Variants in FGFR2 observed in about 807,000 individuals in gnomAD.
The protein encoded by FGFR2 is BEK fibroblast growth factor receptor.
In FGFR2, 19 loss-of-function variants were observed where a neutral mutation model predicts 95.9. That is an observed-to-expected ratio of 0.20 (90% CI 0.14 to 0.29). FGFR2 has a LOEUF of 0.29. Ranked by LOEUF, FGFR2 falls within the 10% of genes least tolerant of loss-of-function variation. The pLI, the probability that FGFR2 is intolerant of heterozygous loss-of-function variation, is 1.00. For synonymous variants in FGFR2, 392 were observed against 393.3 expected, an observed-to-expected ratio of 1.00 and a Z score of 0.04; for missense variants, 707 against 1,056.9, an observed-to-expected ratio of 0.67 and a Z score of 4.59.
chr10:121,597,454 CT>C (rs1360777098), intron 1 of FGFR2, among the ~76,000 whole-genome samples: 1 of 152,244 alleles, frequency 6.6e-6, no homozygotes, highest in Non-Finnish European at 1.5e-5. Context: ...AGTGCCACCC[CT>C]GGCCATCGCC....
At chr10:121,544,358 C>T (rs973940991) in intron 5 of FGFR2, among the ~76,000 whole-genome samples, 2 of 150,948 alleles carry the variant, frequency 1.3e-5, no homozygotes, top group Non-Finnish European at 2.9e-5. Flanking sequence ...GCAGGAAAAT[C>T]GCTCGAACCT....
chr10:121,491,812 G>A (rs1846167197), intron 13 of FGFR2, among the ~76,000 whole-genome samples: 1 of 151,078 alleles, frequency 6.6e-6, no homozygotes, highest in South Asian at 2.1e-4. Context: ...AGAGGCTGCA[G>A]TGAGCCGAGA....
At chr10:121,512,635 T>G (rs1033401062) in intron 9 of FGFR2, among the ~76,000 whole-genome samples, 6 of 152,258 alleles carry the variant, frequency 3.9e-5, no homozygotes, top group Admixed American at 2.0e-4. Context: ...GTTCAAAGGA[T>G]CCTCCCGCTT....
chr10:121,567,253 C>G (rs1857813720), intron 2 of FGFR2, among the ~76,000 whole-genome samples: 1 of 152,192 alleles, frequency 6.6e-6, no homozygotes, highest in African/African-American at 2.4e-5. Flanking sequence ...TCAACAGCCA[C>G]ACAGGAGGCC....
intron 6 of FGFR2, among the ~76,000 whole-genome samples, chr10:121,528,456 T>G (rs899493227): frequency 6.6e-6 from 1 of 152,170 alleles, no homozygotes; most frequent in African/African-American, 2.4e-5. Flanking sequence ...GGATGTCCAT[T>G]GTAAAAATGC....
Position 121,485,281 on chromosome 10 carries a change from T to C in FGFR2, c.2195+114A>G. The C allele has an allele frequency of 7.0e-7, 1 of 1,428,222 alleles. No homozygotes were observed. Among genetic ancestry groups the C allele is most frequent in the African/African-American group, 1.4e-5 (1 of 71,468 alleles). The allele number at this position is 1,428,222 out of a possible 1,614,324, so 88.5% of individuals were successfully genotyped here. On this transcript the variant is annotated intron_variant, in intron 16 of 17. Transcript: ENST00000358487. This position sits in a 1 kb window ranked among gnomAD's most constrained non-coding sequence, Gnocchi z 4.2. Reference sequence around the variant, plus strand: ...TGAGCCCAGAGAGCTTCAGCCATTCTTCTTAGAGCATGTTTAGGAAACCAG... The same window carrying C: ...TGAGCCCAGAGAGCTTCAGCCATTCCTCTTAGAGCATGTTTAGGAAACCAG...
chr10:121,598,310 C>G lies in FGFR2; in HGVS notation c.-499G>C, dbSNP rs1863740637. On this transcript the variant is annotated 5_prime_UTR_variant, in exon 1 of 18. Coordinates refer to ENST00000358487, the MANE Select transcript of FGFR2 (RefSeq NM_000141.5). ...GGGCTCGCGGCCGGCCCCCGCCAGC[C>G]CGGAGAGCAGTCGCCGCGCCGGGCC... is the stretch of plus-strand genomic sequence containing the variant. 2 of 351,606 alleles carry G rather than the reference C, an allele frequency of 5.7e-6. No individual in the cohort carries two copies. Among genetic ancestry groups the G allele is most frequent in the African/African-American group, 2.1e-5 (1 of 46,878 alleles). 21.8% of individuals were successfully genotyped at this position (351,606 alleles called of 1,614,324 possible). A position where few individuals can be genotyped will look rare whatever the true frequency, so the allele number is the denominator to read the frequency against.
chr10:121,485,608 TA>T lies in FGFR2; in HGVS notation c.2058-77del. On this transcript the variant is annotated intron_variant, in intron 15 of 17. Transcript: ENST00000358487. This position sits in a 1 kb window ranked among gnomAD's most constrained non-coding sequence, Gnocchi z 4.2. ...AACCTAAACACGCCCAGCTGAGACA[TA>T]AACACCTCCTCACTTCTGAAGTTCA... The T allele has an allele frequency of 6.3e-7, 1 of 1,595,744 alleles. No individual in the cohort carries two copies. The highest frequency in any genetic ancestry group is 1.7e-5 in the Admixed American group (1 of 59,682).
intron 17 of FGFR2, 46 bp from the exon 18 acceptor site, chr10:121,480,067 T>C: frequency 6.4e-7 from 1 of 1,553,488 alleles, no homozygotes; most frequent in Non-Finnish European, 8.9e-7. Flanking sequence ...TGGGTCAGGA[T>C]AACAAGGTGA....
In FGFR2 at chr10:121,479,673, G is replaced by A. The variant is rs4647917; in HGVS notation, c.*184C>T. On this transcript the variant is annotated 3_prime_UTR_variant, in exon 18 of 18. Coordinates refer to ENST00000358487, the MANE Select transcript of FGFR2 (RefSeq NM_000141.5). ...GCTCCAGAAACCTTCTTCTCCTCCT[G>A]GGGAAGATTACAAGTTTTCAACTGT... 1,021 of 1,555,332 alleles carry A rather than the reference G, an allele frequency of 6.6e-4. 5 individuals carry two copies. In the African/African-American group the frequency reaches 0.011, roughly 17 times the overall value.
At chr10:121,494,610 G>C (rs1846536287) in intron 13 of FGFR2, among the ~76,000 whole-genome samples, 1 of 152,108 alleles carries the variant, frequency 6.6e-6, no homozygotes, top group Non-Finnish European at 1.5e-5. Context: ...CAGAAAAGGA[G>C]GGATGGCACA....
In FGFR2 at chr10:121,503,933, A is replaced by G. The variant is rs1201848305; in HGVS notation, c.1296T>C (p.Ala432=). 5.0e-6 allele frequency: 8 copies of G among 1,614,108 alleles called. No homozygotes were observed. The South Asian group carries it at 8.8e-5, about 18-fold the overall frequency. The change falls in exon 10 of 18, where the codon GCT becomes GCC. Residue 432 remains alanine (A), a synonymous_variant. Coordinates refer to ENST00000358487, the MANE Select transcript of FGFR2 (RefSeq NM_000141.5). ...TGGAGTTCATGGAGGAGCTGGACTC[A>G]GCCGAAACCTGGATACAAAATGCAA... is the stretch of plus-strand genomic sequence containing the variant. The part of the protein sequence containing the change: ...IPLRRQVTVS[A]ESSSSMNSNT...
rs2133803100 is a variant in FGFR2, at chr10:121,485,588, A to T, written c.2058-56T>A. 6.2e-7 allele frequency: 1 copy of T among 1,612,838 alleles called. No individual in the cohort carries two copies. The highest frequency in any genetic ancestry group is 8.5e-7 in the Non-Finnish European group (1 of 1,179,322). The stretch of plus-strand genomic sequence containing the variant: ...TAACCCATCCACGTTGCCAAAACCT[A>T]AACACGCCCAGCTGAGACATAAACA... On this transcript the variant is annotated intron_variant, in intron 15 of 17. Coordinates refer to ENST00000358487, the MANE Select transcript of FGFR2 (RefSeq NM_000141.5). This position sits in a 1 kb window ranked among gnomAD's most constrained non-coding sequence, Gnocchi z 4.2.
At chr10:121,541,589 G>A (rs1853762719) in intron 5 of FGFR2, among the ~76,000 whole-genome samples, 1 of 152,084 alleles carries the variant, frequency 6.6e-6, no homozygotes, top group African/African-American at 2.4e-5. Flanking sequence ...TTGCCAGTTA[G>A]GCCAAATGCA....
At chr10:121,514,975 G>A in intron 9 of FGFR2, 142 bp downstream of exon 9, 2 of 780,844 alleles carry the variant, frequency 2.6e-6, no homozygotes, top group Non-Finnish European at 4.3e-6. Flanking sequence ...AACACTAACT[G>A]GGTGACCGCC....
intron 13 of FGFR2, among the ~76,000 whole-genome samples, chr10:121,493,998 A>G (rs548228371): frequency 2.0e-5 from 3 of 150,680 alleles, no homozygotes; most frequent in Admixed American, 2.0e-4. Flanking sequence ...TATGTCCAAC[A>G]TCAGCCCACC....
intron 11 of FGFR2, among the ~76,000 whole-genome samples, chr10:121,500,414 C>T (rs1564882763): frequency 6.6e-6 from 1 of 152,162 alleles, no homozygotes; most frequent in Non-Finnish European, 1.5e-5. Flanking sequence ...TACGTCTCTT[C>T]GTTCCCTCCA....
chr10:121,577,399 GA>G (rs989807784), intron 2 of FGFR2, among the ~76,000 whole-genome samples: 6 of 151,562 alleles, frequency 4.0e-5, no homozygotes, highest in African/African-American at 1.5e-4. Flanking sequence ...CGCTAAACAG[GA>G]AAAAAAGCAA....
intron 2 of FGFR2, among the ~76,000 whole-genome samples, chr10:121,591,352 G>A (rs1274034407): frequency 2.0e-5 from 3 of 152,320 alleles, no homozygotes; most frequent in South Asian, 2.1e-4. Context: ...GCCAGCCCAC[G>A]GGACTGGGAA....
Sources: gnomAD v4.1 joint callset for allele counts (sites outside exome capture counted in the v4.1 genomes callset) on GRCh38, gnomAD v4.1.1 for gene constraint, Gnocchi (gnomAD v3.1) non-coding constraint, MANE v1.5 for transcripts, NCBI Gene and HGNC (gene_info 2026-07-23, HGNC 2026-07-21) for gene names.